Variants in TNFRSF19 observed in about 807,000 individuals in gnomAD.
The protein encoded by TNFRSF19 is tumor necrosis factor receptor superfamily member 19.
A neutral mutation model predicts 46.4 loss-of-function variants in TNFRSF19; 27 were observed. The observed-to-expected ratio is 0.58, with a 90% confidence interval of 0.43 to 0.80. The LOEUF (loss-of-function observed/expected upper bound fraction) is 0.80, where lower values mean the gene tolerates loss of function less well. TNFRSF19 is among the 30% of genes least tolerant of loss of function. The pLI, the probability that TNFRSF19 is intolerant of heterozygous loss-of-function variation, is 0.00. For missense variants in TNFRSF19, 511 were observed against 530.8 expected (o/e 0.96, Z 0.37); for synonymous variants, 204 against 205.0 (o/e 1.00, Z 0.04).
chr13:23,674,403 G>A lies in TNFRSF19; in HGVS notation c.*1023G>A, dbSNP rs1246622366. On this transcript the variant is annotated 3_prime_UTR_variant, in exon 10 of 10. Coordinates refer to ENST00000248484, the MANE Select transcript of TNFRSF19 (RefSeq NM_148957.4). Reference sequence around the variant, plus strand: ...GAAAATGCACAATTTGTAGGGGTTTGGATGAAGCAGCTGTAACTGCCCTAG... The same window carrying A: ...GAAAATGCACAATTTGTAGGGGTTTAGATGAAGCAGCTGTAACTGCCCTAG... 6.6e-6 allele frequency: 1 copy of A among 152,222 alleles called. No individual in the cohort carries two copies. The highest frequency in any genetic ancestry group is 1.5e-5 in the Non-Finnish European group (1 of 68,044). 9.4% of individuals were successfully genotyped at this position (152,222 alleles called of 1,614,324 possible). A position where few individuals can be genotyped will look rare whatever the true frequency, so the allele number is the denominator to read the frequency against.
At chr13:23,654,930 C>T (rs543393771) in intron 5 of TNFRSF19, among the ~76,000 whole-genome samples, 1 of 152,328 alleles carries the variant, frequency 6.6e-6, no homozygotes, top group South Asian at 2.1e-4. Flanking sequence ...ACCTCTGTGG[C>T]TTGCAAATAG....
intron 4 of TNFRSF19, among the ~76,000 whole-genome samples, chr13:23,616,972 C>T (rs1881341774): frequency 6.6e-6 from 1 of 152,092 alleles, no homozygotes; most frequent in Non-Finnish European, 1.5e-5. Context: ...GGAAGAAACC[C>T]TAAGGCAGAC....
chr13:23,657,701 C>A (rs10454654), intron 5 of TNFRSF19, among the ~76,000 whole-genome samples: 2 of 139,486 alleles, frequency 1.4e-5, no homozygotes, highest in Admixed American at 1.3e-4. Context: ...TCTTCTTCTT[C>A]TTTTTTTCTT....
chr13:23,618,907 T>C (rs1486867545), intron 4 of TNFRSF19, among the ~76,000 whole-genome samples: 1 of 152,190 alleles, frequency 6.6e-6, no homozygotes, highest in Non-Finnish European at 1.5e-5. Context: ...AGAGGGAATT[T>C]GTTCCTTTTT....
chr13:23,595,218 A>G (rs971094720), intron 3 of TNFRSF19, among the ~76,000 whole-genome samples: 11 of 152,142 alleles, frequency 7.2e-5, no homozygotes, highest in Non-Finnish European at 1.5e-5. Context: ...AAGGATCACA[A>G]CTCCTTGCCA....
chr13:23,603,851 C>G (rs1317710466), intron 3 of TNFRSF19, among the ~76,000 whole-genome samples: 2 of 151,894 alleles, frequency 1.3e-5, no homozygotes, highest in Admixed American at 6.6e-5. Context: ...TAAAGAATTT[C>G]TACAACAACC....
chr13:23,628,791 G>A (rs1279639540), intron 5 of TNFRSF19, among the ~76,000 whole-genome samples: 2 of 152,034 alleles, frequency 1.3e-5, no homozygotes, highest in Non-Finnish European at 2.9e-5. Context: ...ACATATATAT[G>A]TGTGTGTATA....
At chr13:23,658,981 G>A in intron 5 of TNFRSF19, 69 bp from the exon 6 acceptor site, 1 of 1,601,346 alleles carries the variant, frequency 6.2e-7, no homozygotes, top group Non-Finnish European at 8.5e-7. Flanking sequence ...AAGGGTGCCT[G>A]CCAGCTTCGC....
intron 5 of TNFRSF19, among the ~76,000 whole-genome samples, chr13:23,646,633 G>A (rs113651083): frequency 0.016 from 2,397 of 152,142 alleles, 50 homozygotes; most frequent in African/African-American, 0.055. Context: ...CCTTTAAAAG[G>A]CTGAATAATA....
intron 2 of TNFRSF19, among the ~76,000 whole-genome samples, chr13:23,591,686 G>A (rs1036477328): frequency 1.3e-5 from 2 of 151,164 alleles, no homozygotes; most frequent in Non-Finnish European, 2.9e-5. Flanking sequence ...GAGGAGTTGA[G>A]GCAAGAATCT....
chr13:23,614,107 T>G (rs1188558758), intron 3 of TNFRSF19, among the ~76,000 whole-genome samples: 2 of 152,168 alleles, frequency 1.3e-5, no homozygotes, highest in Non-Finnish European at 2.9e-5. Flanking sequence ...TCCCCCCTCC[T>G]CTCTGTGCCT....
At chr13:23,601,352 T>C (rs558363258) in intron 3 of TNFRSF19, among the ~76,000 whole-genome samples, 1 of 152,288 alleles carries the variant, frequency 6.6e-6, no homozygotes, top group East Asian at 1.9e-4. Flanking sequence ...ATTTAAAGTA[T>C]TGAGAAAATA....
intron 5 of TNFRSF19, among the ~76,000 whole-genome samples, chr13:23,648,631 A>G (rs9510796): frequency 0.25 from 38,353 of 152,076 alleles, 5,142 homozygotes; most frequent in Middle Eastern, 0.39. Context: ...ATTAAGTAGA[A>G]TTGGTAAAAG....
At chr13:23,644,088 AG>A (rs1418398375) in intron 5 of TNFRSF19, among the ~76,000 whole-genome samples, 1 of 152,228 alleles carries the variant, frequency 6.6e-6, no homozygotes, top group African/African-American at 2.4e-5. Context: ...AAATCACAAA[AG>A]GGCTGATAAT....
At chr13:23,667,564 T>C (rs1951663391) in intron 7 of TNFRSF19, among the ~76,000 whole-genome samples, 1 of 152,322 alleles carries the variant, frequency 6.6e-6, no homozygotes, top group Admixed American at 6.5e-5. Flanking sequence ...TGTAGTGAAA[T>C]ACACATAAGA....
At chr13:23,579,163 C>CTCA (rs1878181195) in intron 1 of TNFRSF19, among the ~76,000 whole-genome samples, 1 of 152,254 alleles carries the variant, frequency 6.6e-6, no homozygotes, top group Admixed American at 6.5e-5. Context: ...CAGCCTCACA[C>CTCA]TCATCCGCTT....
At chr13:23,656,395 A>G (rs1375282942) in intron 5 of TNFRSF19, among the ~76,000 whole-genome samples, 1 of 152,218 alleles carries the variant, frequency 6.6e-6, no homozygotes, top group Non-Finnish European at 1.5e-5. Context: ...TAAGTTAGAG[A>G]CAGTTCCTTT....
intron 1 of TNFRSF19, among the ~76,000 whole-genome samples, chr13:23,586,681 A>G (rs1878866317): frequency 6.6e-6 from 1 of 152,238 alleles, no homozygotes; most frequent in African/African-American, 2.4e-5. Flanking sequence ...GAGGCCAATT[A>G]GGACACATCC....
intron 5 of TNFRSF19, among the ~76,000 whole-genome samples, chr13:23,655,421 T>C (rs1386449138): frequency 1.3e-5 from 2 of 152,234 alleles, no homozygotes; most frequent in Non-Finnish European, 2.9e-5. Flanking sequence ...ATATTTTGTA[T>C]TCCAGAAAAG....
Sources: gnomAD v4.1 joint callset for allele counts (sites outside exome capture counted in the v4.1 genomes callset) on GRCh38, gnomAD v4.1.1 for gene constraint, MANE v1.5 for transcripts, NCBI Gene and HGNC (gene_info 2026-07-23, HGNC 2026-07-21) for gene names.